GRIA2: variants seen among roughly 807,000 people sequenced by gnomAD.
GRIA2 encodes glutamate ionotropic receptor AMPA type subunit 2.
GRIA2 carries 14 observed loss-of-function variants against 97.3 expected under a neutral mutation model. That is an observed-to-expected ratio of 0.14 (90% CI 0.10 to 0.23). GRIA2 has a LOEUF of 0.23. GRIA2 is among the 10% of genes least tolerant of loss of function. The probability of loss-of-function intolerance (pLI) is 1.00; values close to 1 mark genes in which losing one functional copy is unlikely to be tolerated. For synonymous variants in GRIA2, 412 were observed against 387.8 expected (o/e 1.06, Z -0.73); for missense variants, 558 against 1,069.8 (o/e 0.52, Z 6.67).
Position 157,361,026 on chromosome 4 carries a change from G to T in GRIA2, c.2308G>T (p.Ala770Ser). The T allele has an allele frequency of 6.2e-7, 1 of 1,610,990 alleles. No homozygotes were observed. Among genetic ancestry groups the T allele is most frequent in the Non-Finnish European group, 8.5e-7 (1 of 1,177,312 alleles). ...GSSLRNAVNL[A>S]VLKLNEQGLL... ...CGTTTCAAGAAATGCGGTTAACCTC[G>T]CAGTACTAAAACTGAATGAACAAGG... is the stretch of plus-strand genomic sequence containing the variant. The change falls in exon 14 of 16, where the codon GCA becomes TCA. Residue 770 changes from alanine (A) to serine (S), a missense_variant. This residue lies in a region of GRIA2 where 125 missense variants were observed against 310.2 expected (regional missense o/e 0.40). Coordinates refer to ENST00000264426, the MANE Select transcript of GRIA2 (RefSeq NM_001083619.3). The surrounding 1 kb of genome is among the most constrained non-coding windows in gnomAD (Gnocchi z 5.2).
At chr4:157,302,677 A>G (rs1452129448) in intron 2 of GRIA2, among the ~76,000 whole-genome samples, 1 of 152,188 alleles carries the variant, frequency 6.6e-6, no homozygotes, top group African/African-American at 2.4e-5. Context: ...ATATACTGTC[A>G]GTGAACTAGG....
At chr4:157,300,912 A>G (rs939118996) in intron 2 of GRIA2, among the ~76,000 whole-genome samples, 1 of 152,086 alleles carries the variant, frequency 6.6e-6, no homozygotes, top group Non-Finnish European at 1.5e-5. Context: ...AATGAAAGGT[A>G]TGGCTCCTTA....
rs954167514 is a variant in GRIA2, at chr4:157,249,716, T to C, written c.229+27909T>C. On this transcript the variant is annotated intron_variant, in intron 2 of 15. Coordinates refer to ENST00000264426, the MANE Select transcript of GRIA2 (RefSeq NM_001083619.3). ...TGCTTAACGCTTCCATTGTGTGTCC[T>C]GGAGAACTGGCCTAGGTCTGAGCCC... 3 of 152,182 alleles carry C rather than the reference T, an allele frequency of 2.0e-5. 1 individual carries two copies. The highest frequency in any genetic ancestry group is 4.4e-5 in the Non-Finnish European group (3 of 68,028). The allele number at this position is 152,182 out of a possible 1,614,324, so 9.4% of individuals were successfully genotyped here.
chr4:157,232,821 G>A (rs1434772547), intron 2 of GRIA2, among the ~76,000 whole-genome samples: 2 of 152,122 alleles, frequency 1.3e-5, no homozygotes, highest in Non-Finnish European at 2.9e-5. Context: ...ATACAGAATA[G>A]CATGGGTTAA....
chr4:157,255,817 C>A (rs1298278292), intron 2 of GRIA2, among the ~76,000 whole-genome samples: 1 of 151,552 alleles, frequency 6.6e-6, no homozygotes, highest in Non-Finnish European at 1.5e-5. Context: ...AACATAAAAA[C>A]CAAATAACCC....
At chr4:157,284,798 T>C (rs1202056743) in intron 2 of GRIA2, among the ~76,000 whole-genome samples, 1 of 151,764 alleles carries the variant, frequency 6.6e-6, no homozygotes, top group Non-Finnish European at 1.5e-5. Context: ...TTCTACATCA[T>C]TATTTTCACT....
At chr4:157,360,660 A>T (rs1736594689) in intron 13 of GRIA2, 1 of 473,310 alleles carries the variant, frequency 2.1e-6, no homozygotes, top group Non-Finnish European at 4.2e-6. Context: ...TCTCTTTACT[A>T]TGTAGTTAAC....
At position 157,356,119 on chromosome 4, in the gene GRIA2, A is replaced by T. The variant is rs980440622; in HGVS notation, c.2044-3777A>T. On this transcript the variant is annotated intron_variant, in intron 12 of 15. Coordinates refer to ENST00000264426, the MANE Select transcript of GRIA2 (RefSeq NM_001083619.3). The stretch of plus-strand genomic sequence containing the variant: ...TATATATTTATATTTATTTATTTAT[A>T]TATATTTATATATATTTATATATTT... Among the ~76,000 whole-genome samples the T allele has an allele frequency of 4.0e-4, 49 of 122,560 alleles. No homozygotes were observed. In the East Asian group the frequency reaches 7.2e-3, roughly 18 times the overall value. 80.4% of individuals were successfully genotyped at this position (122,560 alleles called of 152,430 possible). A position where few individuals can be genotyped will look rare whatever the true frequency, so the allele number is the denominator to read the frequency against.
chr4:157,221,865 AGTGT>A, intron 2 of GRIA2, 58 bp downstream of exon 2: 1 of 1,520,842 alleles, frequency 6.6e-7, no homozygotes, highest in Non-Finnish European at 9.1e-7. Flanking sequence ...AGCGAGTGTG[AGTGT>A]GTGTGTGCGT....
At chr4:157,309,793 A>G (rs548865279) in intron 3 of GRIA2, among the ~76,000 whole-genome samples, 1 of 152,340 alleles carries the variant, frequency 6.6e-6, no homozygotes, top group South Asian at 2.1e-4. Context: ...ACATAATATT[A>G]AGAGCATTAC....
At chr4:157,277,836 A>ATATATATATATGTATATATG (rs1732399842) in intron 2 of GRIA2, among the ~76,000 whole-genome samples, 22 of 121,248 alleles carry the variant, frequency 1.8e-4, no homozygotes, top group African/African-American at 5.0e-4. Flanking sequence ...GTATATATGT[A>ATATATATATATGTATATATG]TATATATATG....
chr4:157,360,758 A>G (rs1353392867), intron 13 of GRIA2: 1 of 561,478 alleles, frequency 1.8e-6, no homozygotes. Context: ...ATGTGAGTAC[A>G]TTGCTGTAGA....
chr4:157,309,571 T>C (rs6536232), intron 3 of GRIA2, among the ~76,000 whole-genome samples: 54,287 of 151,818 alleles, frequency 0.36, 10,249 homozygotes, highest in African/African-American at 0.48. Flanking sequence ...AGGCTGATCT[T>C]GAGCTCCTGA....
At chr4:157,234,166 A>G (rs1053073202) in intron 2 of GRIA2, among the ~76,000 whole-genome samples, 3 of 152,096 alleles carry the variant, frequency 2.0e-5, no homozygotes, top group African/African-American at 7.2e-5. Context: ...TGTAATTATC[A>G]GGTTTAAATG....
At chr4:157,268,537 C>T (rs17184008) in intron 2 of GRIA2, among the ~76,000 whole-genome samples, 4,439 of 151,814 alleles carry the variant, frequency 0.029, 69 homozygotes, top group Middle Eastern at 0.086. Flanking sequence ...TGCTGTTATA[C>T]CAAGATACTG....
At chr4:157,237,289 GT>G (rs541148827) in intron 2 of GRIA2, among the ~76,000 whole-genome samples, 47,295 of 142,264 alleles carry the variant, frequency 0.33, 7,494 homozygotes, top group African/African-American at 0.4. Context: ...AAATGTATAA[GT>G]TTTTTTTTTT....
In GRIA2 at chr4:157,355,901, A is replaced by ATATATATATT. The variant is rs1560781006; in HGVS notation, c.2044-3995_2044-3994insTATATATATT. 7.8e-3 allele frequency among the ~76,000 whole-genome samples: 21 copies of ATATATATATT among 2,676 alleles called. 1 individual carries two copies. Among genetic ancestry groups the ATATATATATT allele is most frequent in the East Asian group, 0.5 (1 of 2 alleles). 1.8% of individuals were successfully genotyped at this position (2,676 alleles called of 152,430 possible). Reference sequence around the variant, plus strand: ...TATATATATTAATATATTTATATATAAATATATATATATTAATATATTTAT... The same window carrying ATATATATATT: ...TATATATATTAATATATTTATATATATATATATATTAATATATATATATTAATATATTTAT... On this transcript the variant is annotated intron_variant, in intron 12 of 15. Coordinates refer to ENST00000264426, the MANE Select transcript of GRIA2 (RefSeq NM_001083619.3).
At chr4:157,346,434 G>T (rs1238648879) in intron 12 of GRIA2, among the ~76,000 whole-genome samples, 6 of 151,816 alleles carry the variant, frequency 4.0e-5, no homozygotes. Context: ...TGCCACAATT[G>T]CCTCTATTGC....
chr4:157,304,014 A>T (rs946176094), intron 3 of GRIA2, among the ~76,000 whole-genome samples: 1 of 152,232 alleles, frequency 6.6e-6, no homozygotes, highest in Non-Finnish European at 1.5e-5. Flanking sequence ...TTAGAGAGAT[A>T]GACTGTATCA....
Sources: allele counts gnomAD v4.1 joint callset (sites outside exome capture counted in the v4.1 genomes callset), GRCh38; gene constraint gnomAD v4.1.1; regional missense constraint gnomAD v4.1.1; non-coding constraint Gnocchi (gnomAD v3.1); transcripts MANE v1.5; gene names NCBI Gene and HGNC (gene_info 2026-07-23, HGNC 2026-07-21).